TRANK1: variants seen among roughly 807,000 people sequenced by gnomAD.
TRANK1 encodes the protein TPR and ankyrin repeat-containing protein 1.
Under a neutral mutation model 266.0 loss-of-function variants are expected in TRANK1, and 198 were observed. That is an observed-to-expected ratio of 0.74 (90% CI 0.66 to 0.84). The LOEUF (loss-of-function observed/expected upper bound fraction) is 0.84, where lower values mean the gene tolerates loss of function less well. Among genes scored for constraint, TRANK1 ranks in the 40% least tolerant of loss-of-function variants. The probability of loss-of-function intolerance (pLI) is 0.00; values close to 1 mark genes in which losing one functional copy is unlikely to be tolerated. For synonymous variants in TRANK1, 1,396 were observed against 1,384.1 expected, an observed-to-expected ratio of 1.01 and a Z score of -0.19; for missense variants, 3,326 against 3,634.6, an observed-to-expected ratio of 0.92 and a Z score of 2.18.
chr3:36,910,050 G>A (rs2080029442), intron 1 of TRANK1, among the ~76,000 whole-genome samples: 1 of 152,154 alleles, frequency 6.6e-6, no homozygotes, highest in Admixed American at 6.5e-5. Flanking sequence ...AACTGACAAA[G>A]AGTTCATATC....
Position 36,828,148 on chromosome 3 carries a change from G to C in TRANK1, c.*127C>G. 1.5e-6 allele frequency: 1 copy of C among 671,562 alleles called. No homozygotes were observed. The highest frequency in any genetic ancestry group is 1.8e-5 in the African/African-American group (1 of 55,300). 41.6% of individuals were successfully genotyped at this position (671,562 alleles called of 1,614,324 possible). A position where few individuals can be genotyped will look rare whatever the true frequency, so the allele number is the denominator to read the frequency against. On this transcript the variant is annotated 3_prime_UTR_variant, in exon 24 of 24. Transcript: ENST00000645898. Reference sequence around the variant, plus strand: ...AGAAGTAATGAGAATAAAAAGCAATGGTGTTGTTAGACTCCCCTATTTTTA... The same window carrying C: ...AGAAGTAATGAGAATAAAAAGCAATCGTGTTGTTAGACTCCCCTATTTTTA...
chr3:36,856,955 G>A lies in TRANK1; in HGVS notation c.2767C>T (p.Gln923Ter). 1 of 1,613,786 alleles carries A rather than the reference G, an allele frequency of 6.2e-7. No homozygotes were observed. The highest frequency in any genetic ancestry group is 8.5e-7 in the Non-Finnish European group (1 of 1,179,822). ...GATTTCTCCATTGCACACGTGTTCT[G>A]CTCCGTGGCAATGATCTTCTCAGGG... Reference protein sequence around the residue: ...ENPEKIIATEQNTCAMEKSGR... With the variant: ...ENPEKIIATE The change falls in exon 13 of 24, where the codon CAG becomes TAG. Residue 923 changes from glutamine to a stop codon, truncating the protein, a stop_gained. Transcript: ENST00000645898. LOFTEE classifies it high-confidence loss of function.
Position 36,833,282 on chromosome 3 carries a change from C to T in TRANK1, c.6301G>A (p.Val2101Met). Reference protein sequence around the residue: ...LLSLVRALKRVTNNAEKEMVK... With the variant: ...LLSLVRALKRMTNNAEKEMVK... ...ATTTCCTTCTCAGCATTGTTGGTCA[C>T]TCTTTTGAGAGCCCTGACCAGACTG... is the stretch of plus-strand genomic sequence containing the variant. The change falls in exon 22 of 24, where the codon GTG becomes ATG. Residue 2101 changes from valine (V) to methionine (M), a missense_variant. Transcript: ENST00000645898. 2.5e-6 allele frequency: 4 copies of T among 1,614,030 alleles called. No homozygotes were observed. Among genetic ancestry groups the T allele is most frequent in the Non-Finnish European group, 3.4e-6 (4 of 1,179,904 alleles).
chr3:36,942,795 G>C (rs1048221953), intron 1 of TRANK1, among the ~76,000 whole-genome samples: 5 of 151,834 alleles, frequency 3.3e-5, no homozygotes, highest in African/African-American at 1.2e-4. Context: ...CTGGGAGAGC[G>C]GCGGAAACAG....
In TRANK1 at chr3:36,833,419, G is replaced by A. The variant is rs752519437; in HGVS notation, c.6164C>T (p.Thr2055Met). 7.9e-5 allele frequency: 128 copies of A among 1,613,818 alleles called. 2 individuals carry two copies. The South Asian group carries it at 8.6e-4, about 11-fold the overall frequency. ...KLRDAFFKFDTLNHSAGVVEA... is the reference protein window; with the variant it reads ...KLRDAFFKFDMLNHSAGVVEA... ...CACCACTCCAGCTGAGTGGTTGAGC[G>A]TGTCAAACTTGAAGAAGGCATCCCT... Residue 2055 changes from threonine (T) to methionine (M), a missense_variant, in exon 22 of 24, where the codon ACG becomes ATG. Transcript: ENST00000645898.
At chr3:36,922,013 G>A (rs1213518879) in intron 1 of TRANK1, among the ~76,000 whole-genome samples, 1 of 152,156 alleles carries the variant, frequency 6.6e-6, no homozygotes, top group Non-Finnish European at 1.5e-5. Flanking sequence ...CAAACATGGT[G>A]GCATGCACCT....
Position 36,828,250 on chromosome 3 carries a change from T to G in TRANK1, c.*25A>C. The G allele has an allele frequency of 1.0e-5, 16 of 1,531,312 alleles. No homozygotes were observed. Among genetic ancestry groups the G allele is most frequent in the Non-Finnish European group, 1.4e-5 (15 of 1,110,588 alleles). The allele number at this position is 1,531,312 out of a possible 1,614,324, so 94.9% of individuals were successfully genotyped here. A position where few individuals can be genotyped will look rare whatever the true frequency, so the allele number is the denominator to read the frequency against. ...AGTCAGAATGGAATGTTCCGAAGGA[T>G]GAGGAGGCTGCAGCTGTGTGGACAT... On this transcript the variant is annotated 3_prime_UTR_variant, in exon 24 of 24. Coordinates refer to ENST00000645898, the MANE Select transcript of TRANK1 (RefSeq NM_001329998.2).
At chr3:36,860,195 C>A (rs575980577) in intron 11 of TRANK1, among the ~76,000 whole-genome samples, 1 of 152,132 alleles carries the variant, frequency 6.6e-6, no homozygotes, top group Non-Finnish European at 1.5e-5. Context: ...TATTTAATAT[C>A]CAAAACAACC....
intron 2 of TRANK1, among the ~76,000 whole-genome samples, chr3:36,905,308 T>A (rs1334779911): frequency 2.7e-5 from 4 of 146,542 alleles, no homozygotes; most frequent in African/African-American, 5.1e-5. Flanking sequence ...AAAAAAAAAA[T>A]CCCTGGGTTG....
intron 23 of TRANK1, among the ~76,000 whole-genome samples, chr3:36,829,289 G>C (rs1251404541): frequency 1.3e-5 from 2 of 152,206 alleles, no homozygotes; most frequent in Non-Finnish European, 2.9e-5. Flanking sequence ...CATTGAGTAT[G>C]TGCAGTGACT....
chr3:36,832,352 C>T lies in TRANK1; in HGVS notation c.7231G>A (p.Glu2411Lys). The part of the protein sequence containing the change: ...KTHLCFIRLL[E>K]NCIDQFYVYR... Reference sequence around the variant, plus strand: ...ACGTAGAATTGATCAATGCAATTCTCCAGAAGCCGGATGAAGCACAGGTGG... The same window carrying T: ...ACGTAGAATTGATCAATGCAATTCTTCAGAAGCCGGATGAAGCACAGGTGG... The change falls in exon 22 of 24, where the codon GAG (glutamate) becomes AAG (lysine). Residue 2411 changes from glutamate (E) to lysine (K), a missense_variant. Coordinates refer to ENST00000645898, the MANE Select transcript of TRANK1 (RefSeq NM_001329998.2). 1.2e-6 allele frequency: 2 copies of T among 1,613,994 alleles called. No individual in the cohort carries two copies. Among genetic ancestry groups the T allele is most frequent in the South Asian group, 2.2e-5 (2 of 91,090 alleles).
At position 36,834,891 on chromosome 3, in the gene TRANK1, T is replaced by C. The variant is rs771722167; in HGVS notation, c.5534A>G (p.Tyr1845Cys). The stretch of plus-strand genomic sequence containing the variant: ...GTAGCACTGGCTTCGCTTATAGAAA[T>C]AGGCAGCATCTCTTATCTAGGATGG... ...ERLGKIRDAA[Y>C]FYKRSQCYKD... The change falls in exon 21 of 24, where the codon TAT becomes TGT. Residue 1845 changes from tyrosine to cysteine, a missense_variant. Transcript: ENST00000645898. The C allele has an allele frequency of 8.7e-6, 14 of 1,611,046 alleles. No homozygotes were observed. The highest frequency in any genetic ancestry group is 1.6e-4 in the Middle Eastern group (1 of 6,072).
chr3:36,879,591 AATATATAAATATATATAAATATACAAAT>A lies in TRANK1; in HGVS notation c.908-5323_908-5296del, dbSNP rs1559447974. Among the ~76,000 whole-genome samples, 81 of 103,410 alleles carry A rather than the reference AATATATAAATATATATAAATATACAAAT, an allele frequency of 7.8e-4. 14 individuals are homozygous for A. The highest frequency in any genetic ancestry group is 1.2e-3 in the Non-Finnish European group (64 of 55,064). 67.8% of individuals were successfully genotyped at this position (103,410 alleles called of 152,430 possible). ...ATATATAAATATATATAAATATACA[AATATATAAATATATATAAATATACAAAT>A]ATATATAAATATATATAAATATACA... is the stretch of plus-strand genomic sequence containing the variant. On this transcript the variant is annotated intron_variant, in intron 8 of 23. Transcript: ENST00000645898.
At chr3:36,886,983 TG>T (rs1442579781) in intron 8 of TRANK1, among the ~76,000 whole-genome samples, 1 of 148,394 alleles carries the variant, frequency 6.7e-6, no homozygotes, top group Admixed American at 6.9e-5. Flanking sequence ...CTCAGCTCAC[TG>T]GAAGTTCCGC....
chr3:36,942,493 A>AAAAG, intron 1 of TRANK1, among the ~76,000 whole-genome samples: 1 of 142,408 alleles, frequency 7.0e-6, no homozygotes, highest in African/African-American at 3.0e-5. Flanking sequence ...AAAAAAAAAA[A>AAAAG]AAAAAAAAAA....
chr3:36,873,180 G>A (rs1381194691), intron 9 of TRANK1, among the ~76,000 whole-genome samples: 1 of 152,088 alleles, frequency 6.6e-6, no homozygotes, highest in African/African-American at 2.4e-5. Context: ...ACTTACTATT[G>A]AAGAAATACA....
chr3:36,864,136 G>C (rs1402558296), intron 10 of TRANK1, among the ~76,000 whole-genome samples, 183 bp downstream of exon 10: 2 of 152,182 alleles, frequency 1.3e-5, no homozygotes, highest in Non-Finnish European at 2.9e-5. Context: ...ATGGGATTTA[G>C]GGGTTGAAGT....
At chr3:36,923,703 C>A (rs1195063662) in intron 1 of TRANK1, among the ~76,000 whole-genome samples, 5 of 152,110 alleles carry the variant, frequency 3.3e-5, no homozygotes, top group African/African-American at 4.8e-5. Flanking sequence ...CCAGTCAGCA[C>A]CCTCCGAGAA....
At chr3:36,828,808 T>C (rs866199469) in intron 23 of TRANK1, among the ~76,000 whole-genome samples, 29 of 152,282 alleles carry the variant, frequency 1.9e-4, no homozygotes, top group African/African-American at 6.5e-4. Flanking sequence ...CCCTTTGAAA[T>C]ACACATCACA....
Sources: gnomAD v4.1 joint callset for allele counts (sites outside exome capture counted in the v4.1 genomes callset) on GRCh38, gnomAD v4.1.1 for gene constraint, MANE v1.5 for transcripts, NCBI Gene and HGNC (gene_info 2026-07-23, HGNC 2026-07-21) for gene names.